The following RAD51B variants were observed in gnomAD, a reference collection of about 807,000 sequenced individuals.
RAD51B encodes the protein DNA repair protein RAD51 homolog 2.
RAD51B carries 38 observed loss-of-function variants against 42.2 expected under a neutral mutation model. That is an observed-to-expected ratio of 0.90 (90% CI 0.70 to 1.18). RAD51B has a LOEUF of 1.18. Ranked by LOEUF, RAD51B falls within the 50% of genes most tolerant of loss-of-function variation. The probability of loss-of-function intolerance (pLI) is 0.00; values close to 1 mark genes in which losing one functional copy is unlikely to be tolerated. For missense variants in RAD51B, 373 were observed against 400.7 expected, an observed-to-expected ratio of 0.93 and a Z score of 0.59; for synonymous variants, 154 against 145.2, an observed-to-expected ratio of 1.06 and a Z score of -0.43.
At chr14:68,062,608 A>G (rs1288895895) in intron 7 of RAD51B, among the ~76,000 whole-genome samples, 1 of 152,116 alleles carries the variant, frequency 6.6e-6, no homozygotes, top group Non-Finnish European at 1.5e-5. Flanking sequence ...AGCCTGGCCA[A>G]TATGGTGAAA....
intron 10 of RAD51B, among the ~76,000 whole-genome samples, chr14:68,571,489 G>A (rs1212394442): frequency 6.6e-6 from 1 of 152,156 alleles, no homozygotes; most frequent in Non-Finnish European, 1.5e-5. Flanking sequence ...TGTCTTCAGA[G>A]CCAGCAACAT....
chr14:68,594,735 T>A, exon 11 of RAD51B: 1 of 1,263,998 alleles, frequency 7.9e-7, no homozygotes, highest in African/African-American at 1.5e-5. Flanking sequence ...CCAATGAGAA[T>A]TTTGTCCTTA....
chr14:67,867,103 G>T (rs1477877965), intron 5 of RAD51B, among the ~76,000 whole-genome samples: 1 of 152,152 alleles, frequency 6.6e-6, no homozygotes, highest in East Asian at 1.9e-4. Context: ...AATGCTCTCC[G>T]ATATATATGC....
intron 7 of RAD51B, among the ~76,000 whole-genome samples, chr14:68,009,520 G>A (rs1430024233): frequency 6.6e-6 from 1 of 151,828 alleles, no homozygotes; most frequent in African/African-American, 2.4e-5. Flanking sequence ...TGGAATACAT[G>A]TACCTTTTTG....
chr14:68,485,517 T>A (rs776628614), intron 10 of RAD51B, among the ~76,000 whole-genome samples: 1 of 152,164 alleles, frequency 6.6e-6, no homozygotes, highest in South Asian at 2.1e-4. Context: ...TCCACCAGTC[T>A]TTGGAGTTAC....
At chr14:68,177,192 C>G (rs1312333671) in intron 7 of RAD51B, among the ~76,000 whole-genome samples, 6 of 152,212 alleles carry the variant, frequency 3.9e-5, no homozygotes, top group African/African-American at 1.4e-4. Flanking sequence ...ATTCTGTACA[C>G]AAACACTTAG....
At chr14:67,963,083 G>C (rs2074702537) in intron 7 of RAD51B, among the ~76,000 whole-genome samples, 1 of 152,002 alleles carries the variant, frequency 6.6e-6, no homozygotes, top group African/African-American at 2.4e-5. Flanking sequence ...AATTTCTTCA[G>C]TTTCATTTCG....
At chr14:68,486,003 A>G (rs919508578) in intron 10 of RAD51B, among the ~76,000 whole-genome samples, 1 of 152,258 alleles carries the variant, frequency 6.6e-6, no homozygotes, top group Non-Finnish European at 1.5e-5. Context: ...CCATTTATTC[A>G]TTAGATACTA....
chr14:68,196,180 G>A (rs1461534057), intron 7 of RAD51B, among the ~76,000 whole-genome samples: 3 of 146,404 alleles, frequency 2.0e-5, no homozygotes, highest in African/African-American at 7.5e-5. Context: ...GACAGAGTGA[G>A]ACTCCATCTC....
chr14:68,484,825 G>A (rs996470646), intron 10 of RAD51B, among the ~76,000 whole-genome samples: 2 of 152,046 alleles, frequency 1.3e-5, no homozygotes, highest in Non-Finnish European at 2.9e-5. Flanking sequence ...GTCTGCCCAG[G>A]GCTACTCTCA....
At chr14:68,094,204 C>T (rs1020583107) in intron 7 of RAD51B, among the ~76,000 whole-genome samples, 1 of 152,156 alleles carries the variant, frequency 6.6e-6, no homozygotes, top group South Asian at 2.1e-4. Flanking sequence ...TCAAACATAT[C>T]ACTTTTTAAA....
At chr14:67,963,551 C>A (rs2140235290) in intron 7 of RAD51B, among the ~76,000 whole-genome samples, 1 of 152,162 alleles carries the variant, frequency 6.6e-6, no homozygotes, top group East Asian at 1.9e-4. Flanking sequence ...GACCCCTTTT[C>A]TCTTACCATC....
At chr14:68,054,704 A>T (rs951741513) in intron 7 of RAD51B, among the ~76,000 whole-genome samples, 1 of 152,244 alleles carries the variant, frequency 6.6e-6, no homozygotes, top group Non-Finnish European at 1.5e-5. Context: ...TAGTCTGAGG[A>T]CATATAGTGT....
chr14:68,396,999 A>G (rs778955198), intron 8 of RAD51B, among the ~76,000 whole-genome samples: 2 of 152,228 alleles, frequency 1.3e-5, no homozygotes, highest in Non-Finnish European at 2.9e-5. Flanking sequence ...TGGGCAAATC[A>G]CTTTCTTTGT....
chr14:67,941,466 T>G (rs1458655152), intron 7 of RAD51B, among the ~76,000 whole-genome samples: 1 of 152,202 alleles, frequency 6.6e-6, no homozygotes, highest in African/African-American at 2.4e-5. Flanking sequence ...TTTGCTCTAA[T>G]TTTGCATGGG....
intron 7 of RAD51B, among the ~76,000 whole-genome samples, chr14:68,176,495 C>T (rs915925610): frequency 2.0e-5 from 3 of 152,134 alleles, no homozygotes; most frequent in Non-Finnish European, 2.9e-5. Context: ...GCTTTACCAG[C>T]GACTTCACCT....
intron 7 of RAD51B, among the ~76,000 whole-genome samples, chr14:68,008,285 A>T (rs1227809231): frequency 6.6e-6 from 1 of 151,974 alleles, no homozygotes. Flanking sequence ...TAAAATTTAT[A>T]TTTTAAAATA....
chr14:68,119,303 A>T (rs1439863120), intron 7 of RAD51B, among the ~76,000 whole-genome samples: 133 of 143,626 alleles, frequency 9.3e-4, no homozygotes, highest in East Asian at 4.0e-3. Flanking sequence ...TCATTTATTT[A>T]TTTTTTATTT....
intron 7 of RAD51B, among the ~76,000 whole-genome samples, chr14:68,129,248 G>C (rs1433598134): frequency 6.6e-6 from 1 of 152,130 alleles, no homozygotes; most frequent in Non-Finnish European, 1.5e-5. Flanking sequence ...AGTTTTCTTT[G>C]TATACTGAGG....
Sources: gnomAD v4.1 joint callset for allele counts (sites outside exome capture counted in the v4.1 genomes callset) on GRCh38, gnomAD v4.1.1 for gene constraint, MANE v1.5 for transcripts, NCBI Gene and HGNC (gene_info 2026-07-23, HGNC 2026-07-21) for gene names.